The following GLTP variants were observed in gnomAD, a reference collection of about 807,000 sequenced individuals.
GLTP encodes glycolipid transfer protein.
Under a neutral mutation model 24.0 loss-of-function variants are expected in GLTP, and 22 were observed. The ratio of observed to expected loss-of-function variants is 0.92; its 90% confidence interval spans 0.65 to 1.31. The LOEUF is 1.31. Among genes scored for constraint, GLTP ranks in the 50% most tolerant of loss-of-function variants. The pLI, the probability that GLTP is intolerant of heterozygous loss-of-function variation, is 0.00. For synonymous variants in GLTP, 92 were observed against 115.9 expected, an observed-to-expected ratio of 0.79 and a Z score of 1.33; for missense variants, 224 against 276.6, an observed-to-expected ratio of 0.81 and a Z score of 1.35.
intron 1 of GLTP, among the ~76,000 whole-genome samples, chr12:109,874,275 G>C (rs897765569): frequency 3.9e-5 from 6 of 152,068 alleles, no homozygotes; most frequent in Admixed American, 3.9e-4. Context: ...CTCTGGCCTC[G>C]GTTTCTTTGG....
In GLTP at chr12:109,855,056, G is replaced by A. The variant is rs977150198; in HGVS notation, c.447+563C>T. ...GTGAAGGGCATGGCGCAGGGCAGCC[G>A]GAGGGCCTTCGCAAGTCTCCTGAGC... On this transcript the variant is annotated intron_variant, in intron 4 of 4. Transcript: ENST00000318348. The surrounding 1 kb of genome is among the most constrained non-coding windows in gnomAD (Gnocchi z 4.1). Among the ~76,000 whole-genome samples the A allele has an allele frequency of 3.3e-4, 50 of 152,328 alleles. No homozygotes were observed. The highest frequency in any genetic ancestry group is 1.6e-3 in the Admixed American group (25 of 15,302).
At position 109,855,887 on chromosome 12, in the gene GLTP, A is replaced by AATAACCACTCCCT; in HGVS notation, c.297-119_297-118insAGGGAGTGGTTAT. The AATAACCACTCCCT allele has an allele frequency of 6.8e-6, 5 of 733,546 alleles. No homozygotes were observed. The highest frequency in any genetic ancestry group is 1.1e-5 in the Non-Finnish European group (5 of 467,102). 45.4% of individuals were successfully genotyped at this position (733,546 alleles called of 1,614,324 possible). A position where few individuals can be genotyped will look rare whatever the true frequency, so the allele number is the denominator to read the frequency against. ...CCAGGAACATGGGCGCCCCAGAGGG[A>AATAACCACTCCCT]GTGGTTATTCCCTAATCATCTTTCC... On this transcript the variant is annotated intron_variant, in intron 3 of 4. Transcript: ENST00000318348. This position sits in a 1 kb window ranked among gnomAD's most constrained non-coding sequence, Gnocchi z 4.1.
chr12:109,863,342 T>C (rs1045118704), intron 1 of GLTP, among the ~76,000 whole-genome samples: 2 of 152,216 alleles, frequency 1.3e-5, no homozygotes, highest in Non-Finnish European at 2.9e-5. Context: ...ACAGTGATCA[T>C]AGTCACATGT....
intron 1 of GLTP, among the ~76,000 whole-genome samples, chr12:109,864,884 C>T (rs890083192): frequency 3.3e-5 from 5 of 152,056 alleles, no homozygotes; most frequent in African/African-American, 1.2e-4. Flanking sequence ...AGTCTCACTC[C>T]GTTGCCCAGG....
rs147660750 is a variant in GLTP, at chr12:109,858,345, A to G, written c.162+338T>C. Among the ~76,000 whole-genome samples, 5 of 152,298 alleles carry G rather than the reference A, an allele frequency of 3.3e-5. No homozygotes were observed. The East Asian group carries it at 9.6e-4, about 29-fold the overall frequency. ...GGAGGCGGCATCAGGAACTACCAGG[A>G]TTGGAGAAGGGGAAGGCCAGACCAG... On this transcript the variant is annotated intron_variant, in intron 2 of 4. Coordinates refer to ENST00000318348, the MANE Select transcript of GLTP (RefSeq NM_016433.4).
chr12:109,858,937 C>G (rs1037154962), intron 1 of GLTP, among the ~76,000 whole-genome samples, 196 bp from the exon 2 acceptor site: 2 of 152,216 alleles, frequency 1.3e-5, no homozygotes, highest in African/African-American at 4.8e-5. Flanking sequence ...TGTTTCCTAT[C>G]TGGCAAATGA....
intron 1 of GLTP, among the ~76,000 whole-genome samples, chr12:109,865,282 G>A (rs1403567975): frequency 6.6e-6 from 1 of 152,162 alleles, no homozygotes; most frequent in African/African-American, 2.4e-5. Flanking sequence ...GAGAAAGGAA[G>A]CTGTCTTTTA....
At position 109,880,156 on chromosome 12, in the gene GLTP, T is replaced by C. The variant is rs1869025152; in HGVS notation, c.103+116A>G. 6.6e-6 allele frequency: 4 copies of C among 608,876 alleles called. No homozygotes were observed. 37.7% of individuals were successfully genotyped at this position (608,876 alleles called of 1,614,324 possible). On this transcript the variant is annotated intron_variant, in intron 1 of 4. Transcript: ENST00000318348. This position sits in a 1 kb window ranked among gnomAD's most constrained non-coding sequence, Gnocchi z 5.1. ...GGAGGGAAAGAGGATCTTGGGTGCC[T>C]GGGGAAACAGTACTTAGGGGTGTCT...
intron 1 of GLTP, among the ~76,000 whole-genome samples, chr12:109,879,457 G>A (rs1868990961): frequency 6.6e-6 from 1 of 152,122 alleles, no homozygotes; most frequent in African/African-American, 2.4e-5. Flanking sequence ...AAAGTGGACC[G>A]CCTTCCCAAT....
chr12:109,854,827 G>A (rs1892775265), intron 4 of GLTP, among the ~76,000 whole-genome samples: 1 of 152,180 alleles, frequency 6.6e-6, no homozygotes, highest in Non-Finnish European at 1.5e-5. Context: ...CTCACCCTAT[G>A]ACCAGCTCTT....
In GLTP at chr12:109,878,555, T is replaced by C. The variant is rs76710898; in HGVS notation, c.103+1717A>G. ...TTCTGAATCCCTGTCCAGGGCAAGC[T>C]GGCTCTGACTTGGAACTATTCCTGC... On this transcript the variant is annotated intron_variant, in intron 1 of 4. Coordinates refer to ENST00000318348, the MANE Select transcript of GLTP (RefSeq NM_016433.4). 7.8e-4 allele frequency among the ~76,000 whole-genome samples: 119 copies of C among 152,158 alleles called. 1 individual carries two copies. The East Asian group carries it at 0.02, about 25-fold the overall frequency.
Position 109,853,612 on chromosome 12 carries a change from C to T in GLTP, c.448-875G>A, listed in dbSNP as rs563683071. Among the ~76,000 whole-genome samples the T allele has an allele frequency of 5.9e-4, 88 of 149,610 alleles. No individual in the cohort carries two copies. The South Asian group carries it at 0.011, about 19-fold the overall frequency. On this transcript the variant is annotated intron_variant, in intron 4 of 4. Transcript: ENST00000318348. ...CTGAGGCAGGAGAATTGCTTGAACC[C>T]GGGAGGCAGAGGTTGCAGTGAGCTG...
In GLTP at chr12:109,860,573, A is replaced by G. The variant is rs770462808; in HGVS notation, c.104-1832T>C. On this transcript the variant is annotated intron_variant, in intron 1 of 4. Transcript: ENST00000318348. Reference sequence around the variant, plus strand: ...GCTCACTGCAGGCTTCAACTCCTGGACTCAAGCGATCCTCCCGCCTCAGCC... The same window carrying G: ...GCTCACTGCAGGCTTCAACTCCTGGGCTCAAGCGATCCTCCCGCCTCAGCC... Among the ~76,000 whole-genome samples the G allele has an allele frequency of 1.0e-4, 15 of 142,898 alleles. No individual in the cohort carries two copies. The Middle Eastern group carries it at 0.026, about 251-fold the overall frequency. 93.7% of individuals were successfully genotyped at this position (142,898 alleles called of 152,430 possible).
intron 1 of GLTP, among the ~76,000 whole-genome samples, chr12:109,861,468 G>C (rs1292503645): frequency 6.6e-6 from 1 of 152,136 alleles, no homozygotes; most frequent in Admixed American, 6.6e-5. Context: ...AAGGCACCGA[G>C]GCCAGGCGCA....
intron 1 of GLTP, among the ~76,000 whole-genome samples, chr12:109,870,555 T>C (rs1868688725): frequency 6.6e-6 from 1 of 152,164 alleles, no homozygotes; most frequent in East Asian, 1.9e-4. Flanking sequence ...CATCATCACC[T>C]TTCCCAACAG....
intron 1 of GLTP, among the ~76,000 whole-genome samples, chr12:109,877,829 C>A (rs539832714): frequency 7.9e-5 from 12 of 152,324 alleles, no homozygotes; most frequent in African/African-American, 2.6e-4. Flanking sequence ...AAAAGTCACT[C>A]GTGGAAGAAT....
Position 109,855,892 on chromosome 12 carries a change from T to C in GLTP, c.297-123A>G. 1.5e-6 allele frequency: 1 copy of C among 688,362 alleles called. No individual in the cohort carries two copies. Among genetic ancestry groups the C allele is most frequent in the South Asian group, 2.6e-5 (1 of 38,370 alleles). The allele number at this position is 688,362 out of a possible 1,614,324, so 42.6% of individuals were successfully genotyped here. A position where few individuals can be genotyped will look rare whatever the true frequency, so the allele number is the denominator to read the frequency against. ...AACATGGGCGCCCCAGAGGGAGTGG[T>C]TATTCCCTAATCATCTTTCCCTTCT... On this transcript the variant is annotated intron_variant, in intron 3 of 4. Coordinates refer to ENST00000318348, the MANE Select transcript of GLTP (RefSeq NM_016433.4). This position sits in a 1 kb window ranked among gnomAD's most constrained non-coding sequence, Gnocchi z 4.1.
chr12:109,852,609 A>G lies in GLTP; in HGVS notation c.576T>C (p.Asp192=), dbSNP rs1351602093. 5 of 1,608,412 alleles carry G rather than the reference A, an allele frequency of 3.1e-6. No individual in the cohort carries two copies. The highest frequency in any genetic ancestry group is 4.3e-6 in the Non-Finnish European group (5 of 1,175,170). The part of the protein sequence containing the change: ...LFLVNYTATI[D]VIYEMYTQMN... ...TCTGGGTGTACATCTCGTAGATGACATCGATGGTCGCCGTGTAGTTGACTA... is the reference window on the plus strand; with the variant it reads ...TCTGGGTGTACATCTCGTAGATGACGTCGATGGTCGCCGTGTAGTTGACTA... The change falls in exon 5 of 5, where the codon GAT becomes GAC. Residue 192 remains aspartate (D), a synonymous_variant. Coordinates refer to ENST00000318348, the MANE Select transcript of GLTP (RefSeq NM_016433.4).
At chr12:109,859,044 G>GT (rs1892839298) in intron 1 of GLTP, among the ~76,000 whole-genome samples, 1 of 152,160 alleles carries the variant, frequency 6.6e-6, no homozygotes, top group Non-Finnish European at 1.5e-5. Flanking sequence ...AATCAGAATG[G>GT]TATTTGTTTG....
Sources: gnomAD v4.1 joint callset for allele counts (sites outside exome capture counted in the v4.1 genomes callset) on GRCh38, gnomAD v4.1.1 for gene constraint, Gnocchi (gnomAD v3.1) non-coding constraint, MANE v1.5 for transcripts, NCBI Gene and HGNC (gene_info 2026-07-23, HGNC 2026-07-21) for gene names.